The following MRPS5 variants were observed in gnomAD, a reference collection of about 807,000 sequenced individuals.
The protein encoded by MRPS5 is small ribosomal subunit protein uS5m.
MRPS5 carries 27 observed loss-of-function variants against 51.9 expected under a neutral mutation model. The observed-to-expected ratio is 0.52, with a 90% CI of 0.38 to 0.72. The LOEUF is 0.72. Ranked by LOEUF, MRPS5 falls within the 30% of genes least tolerant of loss-of-function variation. The probability of loss-of-function intolerance (pLI) is 0.00; values close to 1 mark genes in which losing one functional copy is unlikely to be tolerated. For synonymous variants in MRPS5, 196 were observed against 193.2 expected, an observed-to-expected ratio of 1.01 and a Z score of -0.12; for missense variants, 570 against 545.7, an observed-to-expected ratio of 1.04 and a Z score of -0.44.
At chr2:95,104,339 T>C (rs181561941) in intron 7 of MRPS5, 402 of 392,996 alleles carry the variant, frequency 1.0e-3, no homozygotes, top group Non-Finnish European at 1.6e-3. Flanking sequence ...CATGGCCCTA[T>C]TGAACATTTA....
In MRPS5 at chr2:95,087,416, T is replaced by C; in HGVS notation, c.1234A>G (p.Lys412Glu). The change falls in exon 12 of 12, where the codon AAG (lysine) becomes GAG (glutamate). Residue 412 changes from lysine (K) to glutamate (E), a missense_variant. Lys to Glu is a moderately conservative substitution (Grantham distance 56, BLOSUM62 1). Coordinates refer to ENST00000272418, the MANE Select transcript of MRPS5 (RefSeq NM_031902.5). ...PDVKLDWEDVKTAQGMKRSVW... is the reference protein window; with the variant it reads ...PDVKLDWEDVETAQGMKRSVW... The stretch of plus-strand genomic sequence containing the variant: ...GAGCGCTTCATTCCCTGTGCAGTCT[T>C]CACATCTTCCCAGTCCAGTTTGACG... 6.2e-7 allele frequency: 1 copy of C among 1,614,172 alleles called. No homozygotes were observed. The highest frequency in any genetic ancestry group is 1.3e-5 in the African/African-American group (1 of 75,032).
In MRPS5 at chr2:95,100,242, T is replaced by C. The variant is rs1383173682; in HGVS notation, c.931+232A>G. On this transcript the variant is annotated intron_variant, in intron 10 of 11. Coordinates refer to ENST00000272418, the MANE Select transcript of MRPS5 (RefSeq NM_031902.5). ...GTGCTATTTCCCGTTTCCAATGTGC[T>C]CTCCCCACCGTAAATTATTCCTGGA... is the stretch of plus-strand genomic sequence containing the variant. Among the ~76,000 whole-genome samples the C allele has an allele frequency of 4.6e-5, 7 of 152,286 alleles. No individual in the cohort carries two copies. In the East Asian group the frequency reaches 1.2e-3, roughly 25 times the overall value.
At chr2:95,091,432 C>G (rs1675464351) in intron 10 of MRPS5, 1 of 152,382 alleles carries the variant, frequency 6.6e-6, no homozygotes, top group African/African-American at 2.4e-5. Context: ...TAACACAGTA[C>G]CCTGATTAGG....
intron 11 of MRPS5, 137 bp from the exon 12 acceptor site, chr2:95,087,718 T>G: frequency 1.4e-6 from 1 of 724,374 alleles, no homozygotes; most frequent in Non-Finnish European, 2.3e-6. Flanking sequence ...TAATGTGTTT[T>G]GTGGCTAAAC....
chr2:95,109,702 T>C (rs773225514), intron 4 of MRPS5, among the ~76,000 whole-genome samples: 1 of 152,238 alleles, frequency 6.6e-6, no homozygotes, highest in Non-Finnish European at 1.5e-5. Flanking sequence ...CCTAGGGACA[T>C]TTAATGCTTG....
chr2:95,117,747 T>C (rs1420783107), intron 2 of MRPS5, 118 bp downstream of exon 2: 3 of 823,830 alleles, frequency 3.6e-6, no homozygotes, highest in African/African-American at 1.8e-5. Flanking sequence ...GGCTAAAAAA[T>C]GAAAAAAGAA....
At chr2:95,119,892 C>T (rs1676391019) in intron 1 of MRPS5, among the ~76,000 whole-genome samples, 1 of 152,212 alleles carries the variant, frequency 6.6e-6, no homozygotes, top group African/African-American at 2.4e-5. Context: ...GTGAGACCCA[C>T]TCTACAAAAA....
intron 1 of MRPS5, among the ~76,000 whole-genome samples, chr2:95,120,072 A>AC (rs1491208975): frequency 1.3e-5 from 2 of 152,176 alleles, no homozygotes; most frequent in Non-Finnish European, 2.9e-5. Flanking sequence ...GAAACAGTAA[A>AC]CACAGTTTCC....
chr2:95,100,763 G>C lies in MRPS5; in HGVS notation c.868+74C>G, dbSNP rs1675771602. On this transcript the variant is annotated intron_variant, in intron 9 of 11. Transcript: ENST00000272418. ...AGAGAGAAACACAAAGATACCTATA[G>C]AGATACATTGTCACACAGACTTTAA... 3 of 1,137,768 alleles carry C rather than the reference G, an allele frequency of 2.6e-6. No homozygotes were observed. In the Admixed American group the frequency reaches 7.5e-5, roughly 29 times the overall value. The allele number at this position is 1,137,768 out of a possible 1,614,324, so 70.5% of individuals were successfully genotyped here.
chr2:95,097,089 A>G (rs1238872581), intron 10 of MRPS5, among the ~76,000 whole-genome samples: 1 of 152,226 alleles, frequency 6.6e-6, no homozygotes, highest in African/African-American at 2.4e-5. Context: ...CCCACTCACA[A>G]TTGCTACAAA....
At position 95,121,776 on chromosome 2, in the gene MRPS5, G is replaced by A. The variant is rs753870998; in HGVS notation, c.16C>T (p.Arg6Cys). 4 of 1,551,658 alleles carry A rather than the reference G, an allele frequency of 2.6e-6. No homozygotes were observed. In the South Asian group the frequency reaches 3.5e-5, roughly 14 times the overall value. The stretch of plus-strand genomic sequence containing the variant: ...AGCACGGGGAGGCAGCCCACAGCGC[G>A]CACCGCGGTCGCCATGCTGGAGTCC... MATAV[R>C]AVGCLPVLCS... is the part of the protein sequence containing the mutation. The change falls in exon 1 of 12, where the codon CGC becomes TGC. Residue 6 changes from arginine to cysteine, a missense_variant. Coordinates refer to ENST00000272418, the MANE Select transcript of MRPS5 (RefSeq NM_031902.5).
chr2:95,108,271 G>A lies in MRPS5; in HGVS notation c.541C>T (p.Arg181Ter), dbSNP rs761781861. The change falls in exon 5 of 12, where the codon CGA (arginine) becomes TGA (stop). Residue 181 changes from arginine to a stop codon, truncating the protein, a stop_gained. Coordinates refer to ENST00000272418, the MANE Select transcript of MRPS5 (RefSeq NM_031902.5). LOFTEE classifies it high-confidence loss of function. The part of the protein sequence containing the change: ...DMIQQREEWD[R>*]KKKMKVKRER... ...CGTTTAACCTTCATCTTCTTCTTTC[G>A]GTCCCACTCTTCTCTCTGCTGGATC... 5.6e-6 allele frequency: 9 copies of A among 1,613,802 alleles called. No homozygotes were observed. Among genetic ancestry groups the A allele is most frequent in the East Asian group, 2.2e-5 (1 of 44,884 alleles).
rs146280535 is a variant in MRPS5, at chr2:95,108,398, A to T, written c.414T>A (p.Gly138=). Residue 138 remains glycine, a synonymous_variant, in exon 5 of 12, where the codon GGT becomes GGA. Transcript: ENST00000272418. ...RGQIIGEGRY[G]FLWPGLNVPL... is the part of the protein sequence containing the mutation. ...GGACATTCAGTCCGGGCCATAGAAA[A>T]CCATAACGCCCTGAAGGTTTAAAAA... The T allele has an allele frequency of 5.8e-5, 94 of 1,613,390 alleles. No individual in the cohort carries two copies. The highest frequency in any genetic ancestry group is 7.6e-5 in the Non-Finnish European group (90 of 1,179,698).
At position 95,104,669 on chromosome 2, in the gene MRPS5, A is replaced by G. The variant is rs1231466376; in HGVS notation, c.734T>C (p.Val245Ala). Residue 245 changes from valine to alanine, a missense_variant, in exon 7 of 12, where the codon GTG becomes GCG. Transcript: ENST00000272418. Reference protein sequence around the residue: ...EGRKKSIRVLVAVGNGKGAAG... With the variant: ...EGRKKSIRVLAAVGNGKGAAG... The stretch of plus-strand genomic sequence containing the variant: ...AGCTCCTTTTCCGTTCCCCACAGCC[A>G]CCAAGACACGGATCGATTTCTTTCT... The G allele has an allele frequency of 3.1e-6, 5 of 1,614,186 alleles. No homozygotes were observed. In the South Asian group the frequency reaches 5.5e-5, roughly 18 times the overall value.
intron 10 of MRPS5, among the ~76,000 whole-genome samples, chr2:95,099,939 G>A (rs556935086): frequency 6.6e-6 from 1 of 152,078 alleles, no homozygotes; most frequent in Non-Finnish European, 1.5e-5. Context: ...AAATCAGCAG[G>A]TTCAAGAATC....
intron 7 of MRPS5, among the ~76,000 whole-genome samples, chr2:95,103,384 A>C (rs1170362721): frequency 3.3e-5 from 5 of 152,238 alleles, no homozygotes; most frequent in Admixed American, 3.3e-4. Context: ...TAAAAAATGC[A>C]AATCAAAACT....
In MRPS5 at chr2:95,100,747, C is replaced by T. The variant is rs1429413142; in HGVS notation, c.868+90G>A. ...TTGTAAGAATGTAATAAGAGAGAAA[C>T]ACAAAGATACCTATAGAGATACATT... On this transcript the variant is annotated intron_variant, in intron 9 of 11. Transcript: ENST00000272418. 4.8e-6 allele frequency: 5 copies of T among 1,048,538 alleles called. No individual in the cohort carries two copies. The East Asian group carries it at 1.0e-4, about 21-fold the overall frequency. The allele number at this position is 1,048,538 out of a possible 1,614,324, so 65.0% of individuals were successfully genotyped here.
intron 4 of MRPS5, 43 bp from the exon 5 acceptor site, chr2:95,108,451 C>G: frequency 1.3e-6 from 2 of 1,509,948 alleles, no homozygotes; most frequent in Non-Finnish European, 1.8e-6. Context: ...TTAAAGTACT[C>G]ATTTTTCAAG....
chr2:95,098,106 C>T (rs1675681068), intron 10 of MRPS5, among the ~76,000 whole-genome samples: 1 of 152,202 alleles, frequency 6.6e-6, no homozygotes, highest in Admixed American at 6.5e-5. Flanking sequence ...AAATGCTCAT[C>T]ATCACTGGTT....
Sources: allele counts gnomAD v4.1 joint callset (sites outside exome capture counted in the v4.1 genomes callset), GRCh38; gene constraint gnomAD v4.1.1; transcripts MANE v1.5; gene names NCBI Gene and HGNC (gene_info 2026-07-23, HGNC 2026-07-21).